The following NDST4 variants were observed in gnomAD, a reference collection of about 807,000 sequenced individuals.
The protein encoded by NDST4 is N-deacetylase and N-sulfotransferase 4, also known as N-heparan sulfate sulfotransferase 4.
Under a neutral mutation model 100.8 loss-of-function variants are expected in NDST4, and 63 were observed. The observed-to-expected ratio is 0.62, with a 90% confidence interval of 0.51 to 0.77. NDST4 has a LOEUF of 0.77. NDST4 is among the 30% of genes least tolerant of loss of function. The probability of loss-of-function intolerance (pLI) is 0.00; values close to 1 mark genes in which losing one functional copy is unlikely to be tolerated. For synonymous variants in NDST4, 377 were observed against 361.8 expected, an observed-to-expected ratio of 1.04 and a Z score of -0.48; for missense variants, 943 against 1,018.4, an observed-to-expected ratio of 0.93 and a Z score of 1.01.
At chr4:114,967,546 C>T (rs553133919) in intron 4 of NDST4, among the ~76,000 whole-genome samples, 5 of 152,076 alleles carry the variant, frequency 3.3e-5, no homozygotes, top group South Asian at 4.2e-4. Context: ...ATCCCTAAAA[C>T]GCAAGGCTCT....
chr4:115,028,123 C>T (rs926335515), intron 2 of NDST4, among the ~76,000 whole-genome samples: 2 of 151,450 alleles, frequency 1.3e-5, no homozygotes, highest in African/African-American at 4.9e-5. Flanking sequence ...TATGAATGTA[C>T]TTGTAGTAGA....
intron 2 of NDST4, among the ~76,000 whole-genome samples, chr4:115,001,844 T>C (rs1381760453): frequency 6.6e-6 from 1 of 152,168 alleles, no homozygotes. Flanking sequence ...ATTCACTGTG[T>C]GCATTTTCCC....
At chr4:115,059,903 G>A (rs1044742567) in intron 2 of NDST4, among the ~76,000 whole-genome samples, 1 of 151,916 alleles carries the variant, frequency 6.6e-6, no homozygotes, top group African/African-American at 2.4e-5. Flanking sequence ...TTTCTCTAAA[G>A]CTTCAGTATA....
In NDST4 at chr4:114,998,209, C is replaced by A. The variant is rs559842992; in HGVS notation, c.979-20935G>T. 2.0e-5 allele frequency among the ~76,000 whole-genome samples: 3 copies of A among 152,180 alleles called. No individual in the cohort carries two copies. In the South Asian group the frequency reaches 6.2e-4, roughly 32 times the overall value. On this transcript the variant is annotated intron_variant, in intron 2 of 13. Transcript: ENST00000264363. The stretch of plus-strand genomic sequence containing the variant: ...TCCACAAAACTTGGTGTTTGCTTTG[C>A]TAAATGCAAAAACGGATGCTTCACA...
At chr4:114,838,060 T>C (rs1428890165) in intron 11 of NDST4, among the ~76,000 whole-genome samples, 1 of 152,118 alleles carries the variant, frequency 6.6e-6, no homozygotes, top group Non-Finnish European at 1.5e-5. Flanking sequence ...TCAACAAACA[T>C]ATGGAAAAAT....
At chr4:115,109,083 A>G (rs2110347187) in intron 1 of NDST4, among the ~76,000 whole-genome samples, 1 of 151,690 alleles carries the variant, frequency 6.6e-6, no homozygotes, top group South Asian at 2.1e-4. Context: ...AAAAAGTGGT[A>G]AAATAAGAAG....
chr4:114,865,133 C>T (rs570185573), intron 7 of NDST4, among the ~76,000 whole-genome samples: 9 of 151,476 alleles, frequency 5.9e-5, no homozygotes, highest in Admixed American at 3.9e-4. Context: ...GGCACAATCT[C>T]GGCTCACTGC....
At chr4:115,099,879 A>G (rs1729695361) in intron 1 of NDST4, among the ~76,000 whole-genome samples, 1 of 152,144 alleles carries the variant, frequency 6.6e-6, no homozygotes, top group Non-Finnish European at 1.5e-5. Flanking sequence ...TTGCAGCTTT[A>G]TTTATAGATG....
rs553065222 is a variant in NDST4, at chr4:114,937,746, T to A, written c.1222-243A>T. 2.0e-5 allele frequency among the ~76,000 whole-genome samples: 3 copies of A among 151,972 alleles called. No individual in the cohort carries two copies. The South Asian group carries it at 6.2e-4, about 32-fold the overall frequency. Reference sequence around the variant, plus strand: ...GGTGAGATTAATTTAAAATTTTGAATATGTAAAGTTTTGGGGGAAGATAAG... The same window carrying A: ...GGTGAGATTAATTTAAAATTTTGAAAATGTAAAGTTTTGGGGGAAGATAAG... On this transcript the variant is annotated intron_variant, in intron 4 of 13. Coordinates refer to ENST00000264363, the MANE Select transcript of NDST4 (RefSeq NM_022569.3).
chr4:115,039,993 A>G (rs1334961310), intron 2 of NDST4, among the ~76,000 whole-genome samples: 1 of 152,052 alleles, frequency 6.6e-6, no homozygotes, highest in Non-Finnish European at 1.5e-5. Context: ...ATATGCATAT[A>G]TATTCATACA....
chr4:115,042,381 G>A (rs1051776142), intron 2 of NDST4, among the ~76,000 whole-genome samples: 1 of 152,170 alleles, frequency 6.6e-6, no homozygotes, highest in Non-Finnish European at 1.5e-5. Flanking sequence ...GTAGTCTACT[G>A]CTATGTCACA....
At chr4:114,894,956 G>A (rs1008529689) in intron 6 of NDST4, among the ~76,000 whole-genome samples, 1 of 152,082 alleles carries the variant, frequency 6.6e-6, no homozygotes, top group African/African-American at 2.4e-5. Context: ...ATGAAGGGGT[G>A]TTGAATTTTA....
intron 2 of NDST4, among the ~76,000 whole-genome samples, chr4:115,039,375 T>C (rs1041125674): frequency 2.0e-5 from 3 of 152,084 alleles, no homozygotes; most frequent in Non-Finnish European, 4.4e-5. Context: ...TGGAGGGATC[T>C]GGACATATGA....
chr4:114,830,025 T>A lies in NDST4; in HGVS notation c.2397-133A>T, dbSNP rs1723161755. 1.1e-5 allele frequency: 7 copies of A among 663,626 alleles called. No homozygotes were observed. In the South Asian group the frequency reaches 1.3e-4, roughly 12 times the overall value. 41.1% of individuals were successfully genotyped at this position (663,626 alleles called of 1,614,324 possible). On this transcript the variant is annotated intron_variant, in intron 12 of 13. Coordinates refer to ENST00000264363, the MANE Select transcript of NDST4 (RefSeq NM_022569.3). ...TTTAATTCATTTTTACAGATATTTATTTAGCTGATTTGAGAGAGGCTAACT... is the reference window on the plus strand; with the variant it reads ...TTTAATTCATTTTTACAGATATTTAATTAGCTGATTTGAGAGAGGCTAACT...
At chr4:114,967,842 T>G (rs375798431) in intron 4 of NDST4, among the ~76,000 whole-genome samples, 1 of 152,176 alleles carries the variant, frequency 6.6e-6, no homozygotes, top group East Asian at 1.9e-4. Flanking sequence ...CCTCTGTATT[T>G]AGAAAGGTCA....
At chr4:114,985,790 T>A (rs1726887343) in intron 2 of NDST4, among the ~76,000 whole-genome samples, 1 of 152,204 alleles carries the variant, frequency 6.6e-6, no homozygotes, top group Admixed American at 6.5e-5. Flanking sequence ...TATCTACGTT[T>A]CAACAAGGTA....
chr4:114,997,774 C>A (rs1389512433), intron 2 of NDST4, among the ~76,000 whole-genome samples: 5 of 152,046 alleles, frequency 3.3e-5, no homozygotes, highest in Non-Finnish European at 7.4e-5. Flanking sequence ...TTGCTCTATA[C>A]ACTCAGAGAG....
intron 4 of NDST4, among the ~76,000 whole-genome samples, chr4:114,948,055 A>C (rs1725907733): frequency 6.6e-6 from 1 of 152,134 alleles, no homozygotes; most frequent in Non-Finnish European, 1.5e-5. Context: ...CTGATGGGTT[A>C]GAATCATTAA....
chr4:115,033,735 T>A (rs1342134028), intron 2 of NDST4, among the ~76,000 whole-genome samples: 2 of 152,094 alleles, frequency 1.3e-5, no homozygotes, highest in African/African-American at 4.8e-5. Context: ...AGGTTGGTTG[T>A]TCAGTCTTTT....
Sources: gnomAD v4.1 joint callset for allele counts (sites outside exome capture counted in the v4.1 genomes callset) on GRCh38, gnomAD v4.1.1 for gene constraint, MANE v1.5 for transcripts, NCBI Gene and HGNC (gene_info 2026-07-23, HGNC 2026-07-21) for gene names.